Variants in GCC2 observed in about 807,000 individuals in gnomAD.
The protein encoded by GCC2 is GRIP and coiled-coil domain-containing protein 2.
In GCC2, 120 loss-of-function variants were observed where a neutral mutation model predicts 210.6. The ratio of observed to expected loss-of-function variants is 0.57; its 90% confidence interval spans 0.49 to 0.66. GCC2 has a LOEUF of 0.66. Among genes scored for constraint, GCC2 ranks in the 30% least tolerant of loss-of-function variants. GCC2 has a pLI of 0.00. For synonymous variants in GCC2, 703 were observed against 652.7 expected, an observed-to-expected ratio of 1.08 and a Z score of -1.17; for missense variants, 1,868 against 1,871.9, an observed-to-expected ratio of 1.00 and a Z score of 0.04.
chr2:108,465,412 A>G (rs1680827753), intron 4 of GCC2, among the ~76,000 whole-genome samples: 1 of 152,164 alleles, frequency 6.6e-6, no homozygotes, highest in African/African-American at 2.4e-5. Context: ...TGGATGAATT[A>G]TATAGTGGTG....
At chr2:108,501,458 T>C (rs561964548) in intron 22 of GCC2, among the ~76,000 whole-genome samples, 1 of 152,208 alleles carries the variant, frequency 6.6e-6, no homozygotes, top group African/African-American at 2.4e-5. Context: ...CCAGGTGCAG[T>C]TGGGTGGGAT....
At chr2:108,482,039 GGGGTTTGTTT>G (rs1681886194) in intron 10 of GCC2, among the ~76,000 whole-genome samples, 1 of 152,034 alleles carries the variant, frequency 6.6e-6, no homozygotes, top group Admixed American at 6.6e-5. Context: ...TGTTTGTTTG[GGGGTTTGTTT>G]GTTTTTCGTT....
chr2:108,465,865 C>CT (rs904342731), intron 4 of GCC2, among the ~76,000 whole-genome samples: 1 of 152,080 alleles, frequency 6.6e-6, no homozygotes, highest in Non-Finnish European at 1.5e-5. Context: ...TTGTTTTTGA[C>CT]TTTTTTTGAA....
At chr2:108,503,431 G>A (rs1373459845) in intron 22 of GCC2, among the ~76,000 whole-genome samples, 1 of 152,152 alleles carries the variant, frequency 6.6e-6, no homozygotes, top group African/African-American at 2.4e-5. Context: ...TAAGCAAAAA[G>A]AAAATTTCCT....
chr2:108,451,701 G>A (rs1054011826), intron 3 of GCC2, among the ~76,000 whole-genome samples: 6 of 151,880 alleles, frequency 4.0e-5, no homozygotes, highest in African/African-American at 1.5e-4. Flanking sequence ...TTTTCTATTA[G>A]AAAAGATAAA....
chr2:108,506,149 A>C (rs1683173783), intron 22 of GCC2, among the ~76,000 whole-genome samples: 1 of 152,204 alleles, frequency 6.6e-6, no homozygotes, highest in Non-Finnish European at 1.5e-5. Context: ...ATATCTCCAA[A>C]ACATTTAATT....
At chr2:108,496,757 AG>A (rs1682663877) in intron 20 of GCC2, 1 of 700,982 alleles carries the variant, frequency 1.4e-6, no homozygotes. Context: ...GTATTCAGTT[AG>A]ATGACATGCT....
intron 22 of GCC2, among the ~76,000 whole-genome samples, chr2:108,500,890 A>C (rs1007479686): frequency 1.2e-4 from 19 of 152,098 alleles, no homozygotes. Flanking sequence ...ACCTATACCT[A>C]GTTTATGTTC....
At position 108,495,278 on chromosome 2, in the gene GCC2, A is replaced by G. The variant is rs1297895653; in HGVS notation, c.4448-13A>G. On this transcript the variant is annotated splice_polypyrimidine_tract_variant and intron_variant, in intron 19 of 22. Transcript: ENST00000309863. ...AACAATCTCACACTTAACCTTTTAA[A>G]AAAATCTAATAGGCCCAGTTTCCTC... The G allele has an allele frequency of 1.3e-6, 2 of 1,566,290 alleles. No individual in the cohort carries two copies. The highest frequency in any genetic ancestry group is 1.4e-5 in the African/African-American group (1 of 74,004).
chr2:108,490,118 A>G, intron 18 of GCC2, 104 bp downstream of exon 18: 1 of 813,760 alleles, frequency 1.2e-6, no homozygotes, highest in South Asian at 3.2e-5. Context: ...TAGAAAATAA[A>G]AAATAGACAT....
intron 9 of GCC2, among the ~76,000 whole-genome samples, chr2:108,481,228 C>G (rs1394125477): frequency 1.3e-5 from 2 of 152,224 alleles, no homozygotes; most frequent in Non-Finnish European, 2.9e-5. Context: ...GAGACTAAAT[C>G]TGTGAATGTC....
chr2:108,487,327 T>C (rs2104487837), intron 16 of GCC2, among the ~76,000 whole-genome samples: 1 of 152,312 alleles, frequency 6.6e-6, no homozygotes, highest in Admixed American at 6.5e-5. Context: ...ACAGATCTCT[T>C]ATCAGAAAAT....
At chr2:108,459,122 G>C (rs1680423843) in intron 4 of GCC2, among the ~76,000 whole-genome samples, 1 of 152,098 alleles carries the variant, frequency 6.6e-6, no homozygotes, top group African/African-American at 2.4e-5. Context: ...AAATCACATA[G>C]GTTTTGTGAT....
intron 4 of GCC2, among the ~76,000 whole-genome samples, chr2:108,454,181 A>G (rs373007649): frequency 6.6e-6 from 1 of 152,114 alleles, no homozygotes. Flanking sequence ...TAGTAGAAAC[A>G]GGGTTTCACC....
rs549542262 is a variant in GCC2 at position 108,499,336 on chromosome 2, C to T, written c.4783-217C>T. On this transcript the variant is annotated intron_variant, in intron 21 of 22. Coordinates refer to ENST00000309863, the MANE Select transcript of GCC2 (RefSeq NM_181453.4). Reference sequence around the variant, plus strand: ...TGAAACTATCTCATAGTTGGAGTTCCGGTTTTCATGTCAAATGGATTTTAT... The same window carrying T: ...TGAAACTATCTCATAGTTGGAGTTCTGGTTTTCATGTCAAATGGATTTTAT... 4.4e-3 allele frequency among the ~76,000 whole-genome samples: 667 copies of T among 151,756 alleles called. 1 individual carries two copies. Among genetic ancestry groups the T allele is most frequent in the South Asian group, 0.013 (64 of 4,770 alleles).
chr2:108,483,347 C>G (rs1189758025), intron 12 of GCC2, among the ~76,000 whole-genome samples, 181 bp downstream of exon 12: 1 of 152,112 alleles, frequency 6.6e-6, no homozygotes, highest in Non-Finnish European at 1.5e-5. Flanking sequence ...CCTCAGCCTT[C>G]CAAGTAGCCG....
At chr2:108,502,218 G>A (rs1410019275) in intron 22 of GCC2, among the ~76,000 whole-genome samples, 1 of 152,112 alleles carries the variant, frequency 6.6e-6, no homozygotes, top group East Asian at 1.9e-4. Flanking sequence ...TAAAATTAAA[G>A]TTTTCAATAG....
At chr2:108,484,798 G>A (rs1682045596) in intron 13 of GCC2, 1 of 148,880 alleles carries the variant, frequency 6.7e-6, no homozygotes, top group Non-Finnish European at 1.5e-5. Context: ...TTTGGTACCA[G>A]TACCATGCTG....
chr2:108,464,461 G>A (rs1329343448), intron 4 of GCC2, among the ~76,000 whole-genome samples: 1 of 152,226 alleles, frequency 6.6e-6, no homozygotes, highest in East Asian at 1.9e-4. Context: ...GCTCTCTGGA[G>A]CAATGCCTTC....
Sources: allele counts gnomAD v4.1 joint callset (sites outside exome capture counted in the v4.1 genomes callset), GRCh38; gene constraint gnomAD v4.1.1; transcripts MANE v1.5; gene names NCBI Gene and HGNC (gene_info 2026-07-23, HGNC 2026-07-21).